IGF1: variants seen among roughly 807,000 people sequenced by gnomAD.
The protein encoded by IGF1 is insulin-like growth factor 1.
IGF1 carries 4 observed loss-of-function variants against 13.8 expected under a neutral mutation model. That is an observed-to-expected ratio of 0.29 (90% confidence interval 0.14 to 0.66). IGF1 has a LOEUF of 0.66. Among genes scored for constraint, IGF1 ranks in the 30% least tolerant of loss-of-function variants. The pLI is 0.78. For synonymous variants in IGF1, 76 were observed against 72.6 expected, an observed-to-expected ratio of 1.05 and a Z score of -0.23; for missense variants, 124 against 188.5, an observed-to-expected ratio of 0.66 and a Z score of 2.00.
At chr12:102,419,459 CAA>C (rs1415638374) in intron 3 of IGF1, 48 bp downstream of exon 3, 31 of 1,585,212 alleles carry the variant, frequency 2.0e-5, no homozygotes, top group Non-Finnish European at 2.6e-5. Flanking sequence ...CCCACATGCA[CAA>C]GAGAGAGACC....
chr12:102,476,531 A>G (rs1447760911), intron 1 of IGF1, among the ~76,000 whole-genome samples: 2 of 152,172 alleles, frequency 1.3e-5, no homozygotes, highest in Non-Finnish European at 2.9e-5. Flanking sequence ...TGAGAATCGA[A>G]GAATGAAATT....
In IGF1 at chr12:102,449,178, G is replaced by A. The variant is rs551422104; in HGVS notation, c.220+26465C>T. On this transcript the variant is annotated intron_variant, in intron 2 of 3. Coordinates refer to ENST00000337514, the MANE Select transcript of IGF1 (RefSeq NM_000618.5). ...GCCCATCAGTGATAGACTGGAAGAA[G>A]AAAATGTGGCACATATACACCATAG... is the stretch of plus-strand genomic sequence containing the variant. Among the ~76,000 whole-genome samples, 11 of 152,324 alleles carry A rather than the reference G, an allele frequency of 7.2e-5. No homozygotes were observed. The South Asian group carries it at 2.3e-3, about 32-fold the overall frequency.
chr12:102,435,149 G>T (rs566868642), intron 2 of IGF1, among the ~76,000 whole-genome samples: 100 of 152,288 alleles, frequency 6.6e-4, no homozygotes, highest in African/African-American at 2.3e-3. Flanking sequence ...TAGGTTACAT[G>T]CAAGTATTAA....
intron 2 of IGF1, among the ~76,000 whole-genome samples, chr12:102,438,481 G>C (rs567411400): frequency 6.6e-6 from 1 of 152,152 alleles, no homozygotes; most frequent in Admixed American, 6.5e-5. Flanking sequence ...CAAGATGGTC[G>C]AGGAACAGCC....
chr12:102,404,247 A>T (rs779942110), intron 3 of IGF1, among the ~76,000 whole-genome samples: 1 of 152,176 alleles, frequency 6.6e-6, no homozygotes, highest in Non-Finnish European at 1.5e-5. Flanking sequence ...GAACACCCAC[A>T]CAGTTACAAT....
intron 2 of IGF1, among the ~76,000 whole-genome samples, chr12:102,472,463 A>G (rs1880748689): frequency 1.3e-5 from 2 of 152,204 alleles, no homozygotes. Context: ...GACAAAAATG[A>G]TAGATATGGA....
intron 2 of IGF1, among the ~76,000 whole-genome samples, chr12:102,448,689 TAAAAAAAAAAAA>T (rs58794507): frequency 9.1e-6 from 1 of 110,326 alleles, no homozygotes; most frequent in African/African-American, 3.3e-5. Context: ...TAGAGTATAA[TAAAAAAAAAAAA>T]AAAAAAAAAA....
chr12:102,442,776 C>G (rs1254895005), intron 2 of IGF1, among the ~76,000 whole-genome samples: 1 of 152,064 alleles, frequency 6.6e-6, no homozygotes, highest in Non-Finnish European at 1.5e-5. Context: ...CCGCCAGGAA[C>G]TTTGTTAATG....
At chr12:102,458,146 C>G (rs1031940233) in intron 2 of IGF1, among the ~76,000 whole-genome samples, 1 of 152,160 alleles carries the variant, frequency 6.6e-6, no homozygotes, top group Admixed American at 6.5e-5. Flanking sequence ...AACAGGAATG[C>G]GAGCCCCTTT....
rs200414343 is a variant in IGF1 at position 102,419,596 on chromosome 12, C to T, written c.315G>A (p.Leu105=). Residue 105 remains leucine, a synonymous_variant, in exon 3 of 4, where the codon CTG becomes CTA. Coordinates refer to ENST00000337514, the MANE Select transcript of IGF1 (RefSeq NM_000618.5). ...GCTTGAGGGGTGCGCAATACATCTCCAGCCTCCTTAGATCACAGCTCCGGA... is the reference window on the plus strand; with the variant it reads ...GCTTGAGGGGTGCGCAATACATCTCTAGCCTCCTTAGATCACAGCTCCGGA... ...CCFRSCDLRR[L]EMYCAPLKPA... 5.6e-6 allele frequency: 9 copies of T among 1,613,816 alleles called. No homozygotes were observed. The highest frequency in any genetic ancestry group is 6.8e-6 in the Non-Finnish European group (8 of 1,180,034).
intron 2 of IGF1, among the ~76,000 whole-genome samples, chr12:102,442,828 T>G (rs1219159197): frequency 6.6e-6 from 1 of 152,164 alleles, no homozygotes; most frequent in Non-Finnish European, 1.5e-5. Context: ...GCTGAGCCAG[T>G]CTTATATGCA....
In IGF1 at chr12:102,398,941, C is replaced by A. The variant is rs946842247; in HGVS notation, c.*3566G>T. 1.3e-5 allele frequency: 2 copies of A among 152,316 alleles called. No individual in the cohort carries two copies. The highest frequency in any genetic ancestry group is 2.9e-5 in the Non-Finnish European group (2 of 67,980). The allele number at this position is 152,316 out of a possible 1,614,324, so 9.4% of individuals were successfully genotyped here. ...AAGTGCATAAAATAGTAACAGAAAC[C>A]CTGGAGCCACAGAGCATGAGATGGT... On this transcript the variant is annotated 3_prime_UTR_variant, in exon 4 of 4. Transcript: ENST00000337514.
chr12:102,403,497 C>T (rs1179143181), intron 3 of IGF1, among the ~76,000 whole-genome samples: 1 of 151,364 alleles, frequency 6.6e-6, no homozygotes, highest in African/African-American at 2.4e-5. Context: ...CACTCTGTTG[C>T]CCAGGCTGGA....
intron 3 of IGF1, among the ~76,000 whole-genome samples, chr12:102,412,175 T>C (rs1874702128): frequency 6.6e-6 from 1 of 152,126 alleles, no homozygotes; most frequent in Admixed American, 6.5e-5. Context: ...TCCAATAATG[T>C]CCTCTCTATT....
rs1490254763 is a variant in IGF1 at position 102,480,307 on chromosome 12, A to G, written c.63+12T>C. 15 of 1,611,076 alleles carry G rather than the reference A, an allele frequency of 9.3e-6. No homozygotes were observed. The highest frequency in any genetic ancestry group is 1.3e-5 in the Non-Finnish European group (15 of 1,177,740). Reference sequence around the variant, plus strand: ...AATTCCCCAATGACTTCAAAGAGTAAGAAATATTTACCTTCAAGAAATCAC... The same window carrying G: ...AATTCCCCAATGACTTCAAAGAGTAGGAAATATTTACCTTCAAGAAATCAC... On this transcript the variant is annotated intron_variant, in intron 1 of 3. Coordinates refer to ENST00000337514, the MANE Select transcript of IGF1 (RefSeq NM_000618.5).
At chr12:102,432,778 G>A (rs1254436113) in intron 2 of IGF1, among the ~76,000 whole-genome samples, 1 of 152,116 alleles carries the variant, frequency 6.6e-6, no homozygotes, top group Non-Finnish European at 1.5e-5. Flanking sequence ...AAATCACCAA[G>A]TACTTGTATA....
chr12:102,477,382 T>A (rs1881118750), intron 1 of IGF1, among the ~76,000 whole-genome samples: 1 of 151,982 alleles, frequency 6.6e-6, no homozygotes, highest in South Asian at 2.1e-4. Flanking sequence ...TTGCAAATGA[T>A]CATAAATAAT....
chr12:102,421,325 G>A (rs911651103), intron 2 of IGF1, among the ~76,000 whole-genome samples: 7 of 152,138 alleles, frequency 4.6e-5, no homozygotes, highest in Non-Finnish European at 8.8e-5. Flanking sequence ...ATGTCTCAGC[G>A]GGTCCCCTGA....
chr12:102,419,045 A>G (rs183434610), intron 3 of IGF1, among the ~76,000 whole-genome samples: 114 of 152,370 alleles, frequency 7.5e-4, no homozygotes, highest in Admixed American at 1.8e-3. Context: ...TATGGCAGAC[A>G]TTAACGATGG....
Sources: gnomAD v4.1 joint callset for allele counts (sites outside exome capture counted in the v4.1 genomes callset) on GRCh38, gnomAD v4.1.1 for gene constraint, MANE v1.5 for transcripts, NCBI Gene and HGNC (gene_info 2026-07-23, HGNC 2026-07-21) for gene names.